Variants in MARCHF1 observed in about 807,000 individuals in gnomAD.
MARCHF1 encodes the protein E3 ubiquitin-protein ligase MARCHF1.
In MARCHF1, 40 loss-of-function variants were observed where a neutral mutation model predicts 54.2. That is an observed-to-expected ratio of 0.74 (90% confidence interval 0.57 to 0.96). MARCHF1 has a LOEUF of 0.96. MARCHF1 is among the 40% of genes least tolerant of loss of function. The probability of loss-of-function intolerance (pLI) is 0.00; values close to 1 mark genes in which losing one functional copy is unlikely to be tolerated. For synonymous variants in MARCHF1, 236 were observed against 236.3 expected (o/e 1.00, Z 0.01); for missense variants, 586 against 656.5 (o/e 0.89, Z 1.17).
intron 4 of MARCHF1, among the ~76,000 whole-genome samples, chr4:163,724,711 G>A (rs1745596883): frequency 6.6e-6 from 1 of 152,096 alleles, no homozygotes; most frequent in Non-Finnish European, 1.5e-5. Context: ...GCCATGGTGG[G>A]CGCCCCTCCC....
chr4:163,716,393 A>G (rs1745258547), intron 4 of MARCHF1, among the ~76,000 whole-genome samples: 1 of 152,204 alleles, frequency 6.6e-6, no homozygotes, highest in Non-Finnish European at 1.5e-5. Context: ...GACTTTCCAG[A>G]TGAAAATACT....
chr4:163,768,135 G>C lies in MARCHF1; in HGVS notation c.112-67272C>G, dbSNP rs1427908928. On this transcript the variant is annotated intron_variant, in intron 4 of 9. Transcript: ENST00000514618. ...TGAATTTTGAGGTTTGATTTCTTTA[G>C]TAGGTCCAAATTGAACTTAAATGTT... 2.0e-5 allele frequency among the ~76,000 whole-genome samples: 3 copies of C among 152,134 alleles called. No homozygotes were observed. The East Asian group carries it at 5.8e-4, about 29-fold the overall frequency.
chr4:163,613,469 A>T (rs983722905), intron 5 of MARCHF1, 76 bp from the exon 6 acceptor site: 2 of 1,612,386 alleles, frequency 1.2e-6, no homozygotes, highest in East Asian at 2.2e-5. Flanking sequence ...TTTTCCACAT[A>T]TTTAAAAAAT....
At chr4:163,535,652 C>G in intron 9 of MARCHF1, among the ~76,000 whole-genome samples, 1 of 152,044 alleles carries the variant, frequency 6.6e-6, no homozygotes. Flanking sequence ...TCCATTTTTC[C>G]TGTATGCTAA....
At chr4:163,967,690 C>T (rs986973368) in intron 3 of MARCHF1, among the ~76,000 whole-genome samples, 11 of 152,046 alleles carry the variant, frequency 7.2e-5, no homozygotes, top group Non-Finnish European at 1.2e-4. Flanking sequence ...CTATCTATAT[C>T]GATATCTATT....
At chr4:164,013,575 T>G (rs763189438) in intron 2 of MARCHF1, among the ~76,000 whole-genome samples, 2 of 152,050 alleles carry the variant, frequency 1.3e-5, no homozygotes, top group Non-Finnish European at 2.9e-5. Flanking sequence ...CAAATAAGAC[T>G]ACCTCAAGGC....
At chr4:163,857,836 G>C (rs768975131) in intron 3 of MARCHF1, among the ~76,000 whole-genome samples, 3 of 152,072 alleles carry the variant, frequency 2.0e-5, no homozygotes, top group Non-Finnish European at 4.4e-5. Context: ...AGAGAGAAAA[G>C]ACCCAGAGCT....
In MARCHF1 at chr4:164,010,719, C is replaced by T. The variant is rs182279762; in HGVS notation, c.-247-22010G>A. Among the ~76,000 whole-genome samples the T allele has an allele frequency of 3.2e-3, 481 of 152,080 alleles. 3 individuals are homozygous for T. Among genetic ancestry groups the T allele is most frequent in the African/African-American group, 0.011 (463 of 41,506 alleles). On this transcript the variant is annotated intron_variant, in intron 2 of 9. Transcript: ENST00000514618. ...AAGCAATCTACAGATTAAATGCAAT[C>T]CCCATCAGAATACCAATGTTATCAT...
At chr4:163,895,700 C>T (rs933403005) in intron 3 of MARCHF1, among the ~76,000 whole-genome samples, 1 of 152,178 alleles carries the variant, frequency 6.6e-6, no homozygotes. Flanking sequence ...GATCAGGTTT[C>T]ACAGGGAAGG....
intron 3 of MARCHF1, chr4:163,933,283 T>C (rs994267841): frequency 1.1e-5 from 7 of 638,534 alleles, no homozygotes; most frequent in African/African-American, 1.9e-5. Flanking sequence ...CCTTCTTCCC[T>C]TCAAGAAACC....
At chr4:164,180,523 AG>A (rs10716645) in intron 1 of MARCHF1, among the ~76,000 whole-genome samples, 22,136 of 152,100 alleles carry the variant, frequency 0.15, 2,166 homozygotes, top group African/African-American at 0.26. Context: ...AAATATTTCA[AG>A]GCTGAAGTTT....
At chr4:163,630,328 C>T (rs1023457178) in intron 5 of MARCHF1, among the ~76,000 whole-genome samples, 2 of 152,152 alleles carry the variant, frequency 1.3e-5, no homozygotes, top group Admixed American at 6.5e-5. Context: ...GTGAAAGAAG[C>T]CAGTTACAAG....
intron 1 of MARCHF1, among the ~76,000 whole-genome samples, chr4:164,186,054 A>G (rs1417179615): frequency 6.6e-6 from 1 of 152,026 alleles, no homozygotes; most frequent in Non-Finnish European, 1.5e-5. Context: ...CACCACAACC[A>G]GCTAATTTTT....
At chr4:163,772,872 C>T (rs938361208) in intron 4 of MARCHF1, among the ~76,000 whole-genome samples, 1 of 151,996 alleles carries the variant, frequency 6.6e-6, no homozygotes, top group African/African-American at 2.4e-5. Flanking sequence ...CTGCACATTG[C>T]CACTGAACTG....
intron 4 of MARCHF1, among the ~76,000 whole-genome samples, chr4:163,852,136 T>C (rs1273243790): frequency 1.3e-5 from 2 of 152,180 alleles, no homozygotes; most frequent in Non-Finnish European, 2.9e-5. Flanking sequence ...ATTGAGATTA[T>C]GAGGTGTAGT....
chr4:164,108,136 A>G (rs1755748768), intron 2 of MARCHF1, among the ~76,000 whole-genome samples: 1 of 152,128 alleles, frequency 6.6e-6, no homozygotes, highest in African/African-American at 2.4e-5. Flanking sequence ...TGAACAAAGT[A>G]TAGGCTGCCT....
intron 3 of MARCHF1, among the ~76,000 whole-genome samples, chr4:163,929,379 CA>C (rs1394949560): frequency 2.6e-5 from 4 of 151,944 alleles, no homozygotes; most frequent in Admixed American, 6.6e-5. Flanking sequence ...ACAAAAAAAT[CA>C]ATGAAGGTTA....
intron 4 of MARCHF1, among the ~76,000 whole-genome samples, chr4:163,844,497 A>G (rs1016072447): frequency 6.6e-6 from 1 of 152,138 alleles, no homozygotes; most frequent in African/African-American, 2.4e-5. Context: ...ATTATTTGCC[A>G]AGGCCGATGT....
chr4:164,095,716 A>T (rs1755396484), intron 2 of MARCHF1, among the ~76,000 whole-genome samples: 1 of 152,080 alleles, frequency 6.6e-6, no homozygotes, highest in Admixed American at 6.6e-5. Context: ...ACCAAAACTC[A>T]ACCAAAAAAC....
Sources: allele counts gnomAD v4.1 joint callset (sites outside exome capture counted in the v4.1 genomes callset), GRCh38; gene constraint gnomAD v4.1.1; transcripts MANE v1.5; gene names NCBI Gene and HGNC (gene_info 2026-07-23, HGNC 2026-07-21).